PRR16: variants seen among roughly 807,000 people sequenced by gnomAD.
PRR16 encodes protein Largen.
In PRR16, 6 loss-of-function variants were observed where a neutral mutation model predicts 18.2. The ratio of observed to expected loss-of-function variants is 0.33; its 90% CI spans 0.18 to 0.65. The LOEUF is 0.65. Ranked by LOEUF, PRR16 falls within the 30% of genes least tolerant of loss-of-function variation. The probability of loss-of-function intolerance (pLI) is 0.74; values close to 1 mark genes in which losing one functional copy is unlikely to be tolerated. For missense variants in PRR16, 412 were observed against 376.6 expected (o/e 1.09, Z -0.78); for synonymous variants, 151 against 147.8 (o/e 1.02, Z -0.16).
the PRR16 span, among the ~76,000 whole-genome samples, chr5:120,745,761 C>A: frequency 2.0e-4 from 31 of 151,578 alleles, no homozygotes; most frequent in Non-Finnish European, 3.2e-4. Context: ...TGCAGTGGGG[C>A]GATCTCAGCT....
chr5:120,665,917 C>A (rs1469162168), intron 1 of PRR16, among the ~76,000 whole-genome samples: 1 of 152,066 alleles, frequency 6.6e-6, no homozygotes, highest in Non-Finnish European at 1.5e-5. Flanking sequence ...GTTCTTTTGG[C>A]TTAGGATTGA....
intron 1 of PRR16, among the ~76,000 whole-genome samples, chr5:120,654,372 G>C (rs1441906088): frequency 6.6e-6 from 1 of 151,812 alleles, no homozygotes. Flanking sequence ...TCTTTGCATA[G>C]GAAACTAGAT....
At chr5:120,478,273 A>G (rs1015306315) in intron 1 of PRR16, among the ~76,000 whole-genome samples, 1 of 152,218 alleles carries the variant, frequency 6.6e-6, no homozygotes, top group Non-Finnish European at 1.5e-5. Flanking sequence ...ATAGATACTT[A>G]TTAAAGATTT....
intron 1 of PRR16, among the ~76,000 whole-genome samples, chr5:120,583,450 G>C (rs1247909243): frequency 1.3e-5 from 2 of 152,050 alleles, no homozygotes; most frequent in Admixed American, 6.6e-5. Context: ...TTTTCCTTCT[G>C]AAGGTAATTA....
At chr5:120,767,675 A>C in the PRR16 span, among the ~76,000 whole-genome samples, 1 of 151,904 alleles carries the variant, frequency 6.6e-6, no homozygotes, top group African/African-American at 2.4e-5. Context: ...GAAGTTGAAA[A>C]CAGTCCAACA....
intron 1 of PRR16, among the ~76,000 whole-genome samples, chr5:120,482,703 G>A (rs552160653): frequency 9.9e-5 from 15 of 151,968 alleles, no homozygotes; most frequent in Middle Eastern, 3.2e-3. Flanking sequence ...GAGAAATGTC[G>A]AACTGCTTTC....
At chr5:120,742,703 C>T in the PRR16 span, among the ~76,000 whole-genome samples, 2 of 152,146 alleles carry the variant, frequency 1.3e-5, no homozygotes, top group African/African-American at 4.8e-5. Context: ...CAAATTACCA[C>T]AAACTCTGTG....
chr5:120,692,917 A>G, the PRR16 span, among the ~76,000 whole-genome samples: 2 of 152,322 alleles, frequency 1.3e-5, no homozygotes, highest in Non-Finnish European at 2.9e-5. Context: ...TAATTTAAAC[A>G]CTTTAGAATT....
chr5:120,679,713 C>A (rs914093921), intron 1 of PRR16, among the ~76,000 whole-genome samples: 1 of 151,996 alleles, frequency 6.6e-6, no homozygotes, highest in Non-Finnish European at 1.5e-5. Flanking sequence ...CACGGATGGA[C>A]TTGAACGACA....
intron 1 of PRR16, among the ~76,000 whole-genome samples, chr5:120,659,154 A>G (rs1273304992): frequency 6.6e-6 from 1 of 152,006 alleles, no homozygotes; most frequent in Non-Finnish European, 1.5e-5. Context: ...GGCCCCACAA[A>G]ATAAAAGTTC....
chr5:120,723,138 A>G, the PRR16 span, among the ~76,000 whole-genome samples: 2 of 151,902 alleles, frequency 1.3e-5, no homozygotes, highest in African/African-American at 2.4e-5. Context: ...AGTTCATTCT[A>G]TAAGAATTTT....
intron 1 of PRR16, among the ~76,000 whole-genome samples, chr5:120,653,873 C>T (rs1024145700): frequency 6.6e-6 from 1 of 152,116 alleles, no homozygotes; most frequent in African/African-American, 2.4e-5. Flanking sequence ...GCTTAAACCT[C>T]TTTCATGACC....
At chr5:120,486,785 A>C (rs1214632953) in intron 1 of PRR16, among the ~76,000 whole-genome samples, 2 of 152,174 alleles carry the variant, frequency 1.3e-5, no homozygotes, top group African/African-American at 2.4e-5. Flanking sequence ...TTTAGGTCTA[A>C]CATGTAAGTC....
chr5:120,610,114 TG>T (rs1358168525), intron 1 of PRR16, among the ~76,000 whole-genome samples: 1 of 152,072 alleles, frequency 6.6e-6, no homozygotes, highest in African/African-American at 2.4e-5. Context: ...TCCTTTTCGG[TG>T]GGGGGAAGTA....
intron 1 of PRR16, among the ~76,000 whole-genome samples, chr5:120,668,071 A>G (rs915442356): frequency 6.6e-6 from 1 of 152,102 alleles, no homozygotes; most frequent in African/African-American, 2.4e-5. Flanking sequence ...GTCTCCCACT[A>G]TTATTGTGTG....
intron 1 of PRR16, among the ~76,000 whole-genome samples, chr5:120,544,687 CATTCGTG>C (rs1254210555): frequency 6.6e-6 from 1 of 151,798 alleles, no homozygotes. Flanking sequence ...TTCATAAAGT[CATTCGTG>C]ATTTACCAAT....
At chr5:120,695,251 G>A in the PRR16 span, among the ~76,000 whole-genome samples, 1 of 152,000 alleles carries the variant, frequency 6.6e-6, no homozygotes, top group African/African-American at 2.4e-5. Context: ...TGAAAATACA[G>A]TACTGAAGTT....
At chr5:120,718,780 G>A in the PRR16 span, among the ~76,000 whole-genome samples, 5 of 152,062 alleles carry the variant, frequency 3.3e-5, no homozygotes, top group African/African-American at 1.2e-4. Flanking sequence ...GCTTTAGGTA[G>A]GCAGGCAAGT....
chr5:120,733,886 T>C, the PRR16 span, among the ~76,000 whole-genome samples: 1 of 152,190 alleles, frequency 6.6e-6, no homozygotes, highest in South Asian at 2.1e-4. Context: ...AGTAAAATGT[T>C]TTTACTATAC....
Sources: gnomAD v4.1 joint callset for allele counts (sites outside exome capture counted in the v4.1 genomes callset) on GRCh38, gnomAD v4.1.1 for gene constraint, MANE v1.5 for transcripts, NCBI Gene and HGNC (gene_info 2026-07-23, HGNC 2026-07-21) for gene names.